The following PRSS12 variants were observed in gnomAD, a reference collection of about 807,000 sequenced individuals.
PRSS12 encodes the protein neurotrypsin.
PRSS12 carries 85 observed loss-of-function variants against 104.4 expected under a neutral mutation model. The ratio of observed to expected loss-of-function variants is 0.81; its 90% CI spans 0.68 to 0.98. PRSS12 has a LOEUF of 0.98. Among genes scored for constraint, PRSS12 ranks in the 50% least tolerant of loss-of-function variants. The pLI, the probability that PRSS12 is intolerant of heterozygous loss-of-function variation, is 0.00. For missense variants in PRSS12, 1,141 were observed against 1,139.2 expected, an observed-to-expected ratio of 1.00 and a Z score of -0.02; for synonymous variants, 454 against 425.2, an observed-to-expected ratio of 1.07 and a Z score of -0.83.
At chr4:118,305,077 A>G (rs1743508947) in intron 8 of PRSS12, among the ~76,000 whole-genome samples, 1 of 150,652 alleles carries the variant, frequency 6.6e-6, no homozygotes, top group African/African-American at 2.4e-5. Context: ...GATCCTCGGC[A>G]CTAGTCACAT....
At chr4:118,312,608 TA>T (rs373602396) in intron 7 of PRSS12, among the ~76,000 whole-genome samples, 3 of 152,058 alleles carry the variant, frequency 2.0e-5, no homozygotes, top group African/African-American at 7.2e-5. Flanking sequence ...CCAAAAAGTC[TA>T]AAAAAATGTA....
chr4:118,326,389 C>T (rs561312580), intron 4 of PRSS12, among the ~76,000 whole-genome samples: 7 of 152,276 alleles, frequency 4.6e-5, no homozygotes, highest in East Asian at 1.9e-4. Flanking sequence ...TCCCTGCAAC[C>T]GAATGATGCT....
At chr4:118,347,706 A>G (rs1724393049) in intron 1 of PRSS12, among the ~76,000 whole-genome samples, 1 of 152,122 alleles carries the variant, frequency 6.6e-6, no homozygotes, top group Non-Finnish European at 1.5e-5. Flanking sequence ...TGCTTGTTTT[A>G]GAGACAGGGT....
At chr4:118,341,471 T>A (rs1208729673) in intron 1 of PRSS12, among the ~76,000 whole-genome samples, 1 of 151,968 alleles carries the variant, frequency 6.6e-6, no homozygotes, top group Non-Finnish European at 1.5e-5. Context: ...TCACCTGAGA[T>A]TGAGAGTTCG....
At chr4:118,343,308 T>C (rs1305072077) in intron 1 of PRSS12, among the ~76,000 whole-genome samples, 1 of 151,970 alleles carries the variant, frequency 6.6e-6, no homozygotes, top group Non-Finnish European at 1.5e-5. Flanking sequence ...GGCGGAAGGA[T>C]TGCTTGTACC....
In PRSS12 at chr4:118,283,120, CAG is replaced by C. The variant is rs1560762077; in HGVS notation, c.2040-11_2040-10del. On this transcript the variant is annotated splice_polypyrimidine_tract_variant and intron_variant, in intron 11 of 12. Coordinates refer to ENST00000296498, the MANE Select transcript of PRSS12 (RefSeq NM_003619.4). ...TAGTGCTGTTGCCATACCTGAGAGG[CAG>C]AGAGTACTAATGAGAGACTTGCTTC... is the stretch of plus-strand genomic sequence containing the variant. 8 of 1,613,920 alleles carry C rather than the reference CAG, an allele frequency of 5.0e-6. No homozygotes were observed. The highest frequency in any genetic ancestry group is 3.3e-5 in the Admixed American group (2 of 60,026).
chr4:118,308,399 C>T, intron 8 of PRSS12, 37 bp downstream of exon 8: 2 of 1,613,090 alleles, frequency 1.2e-6, no homozygotes, highest in Non-Finnish European at 1.7e-6. Flanking sequence ...CAGATATGCT[C>T]ATCAGTAACC....
At chr4:118,332,639 A>G (rs1723957980) in intron 3 of PRSS12, among the ~76,000 whole-genome samples, 1 of 152,178 alleles carries the variant, frequency 6.6e-6, no homozygotes, top group African/African-American at 2.4e-5. Context: ...TTACATGTCA[A>G]TTGTCTCACT....
intron 1 of PRSS12, among the ~76,000 whole-genome samples, chr4:118,345,295 A>G (rs2126045423): frequency 6.6e-6 from 1 of 152,294 alleles, no homozygotes; most frequent in South Asian, 2.1e-4. Context: ...TTTGCATACA[A>G]TAATTTTTTT....
chr4:118,330,786 A>C (rs1448864748), intron 4 of PRSS12, among the ~76,000 whole-genome samples: 1 of 152,222 alleles, frequency 6.6e-6, no homozygotes, highest in African/African-American at 2.4e-5. Context: ...CAAAGTGTTA[A>C]AGTGTCTATA....
intron 1 of PRSS12, among the ~76,000 whole-genome samples, chr4:118,350,184 C>T (rs961292767): frequency 3.3e-5 from 5 of 152,166 alleles, no homozygotes; most frequent in African/African-American, 9.7e-5. Context: ...TCAAAACTTG[C>T]GTTTCTCCTG....
chr4:118,289,215 CAAAT>C (rs760848255), intron 11 of PRSS12, among the ~76,000 whole-genome samples: 3 of 152,130 alleles, frequency 2.0e-5, no homozygotes, highest in African/African-American at 4.8e-5. Flanking sequence ...TGAAGGCAAA[CAAAT>C]AAACATAAAA....
intron 7 of PRSS12, among the ~76,000 whole-genome samples, chr4:118,308,860 T>C (rs1458836673): frequency 6.6e-6 from 1 of 152,178 alleles, no homozygotes. Flanking sequence ...GTTGAATGAA[T>C]GAACAGCATT....
chr4:118,341,421 G>A (rs1375575471), intron 1 of PRSS12, among the ~76,000 whole-genome samples: 5 of 152,100 alleles, frequency 3.3e-5, no homozygotes, highest in Admixed American at 2.0e-4. Flanking sequence ...AGTGGCTCAC[G>A]CCTGTAATCC....
intron 10 of PRSS12, 21 bp downstream of exon 10, chr4:118,295,757 C>A (rs867261581): frequency 2.5e-6 from 4 of 1,592,402 alleles, no homozygotes; most frequent in Middle Eastern, 1.7e-4. Flanking sequence ...TATAAAAAAT[C>A]TCTTTTGGAG....
chr4:118,337,670 C>A lies in PRSS12; in HGVS notation c.641+506G>T, dbSNP rs993363709. On this transcript the variant is annotated intron_variant, in intron 2 of 12. Transcript: ENST00000296498. ...CACTTCCCCATCAAGGACAAGGGCA[C>A]AGGTAAACATTGCCCCTTTCACACA... Among the ~76,000 whole-genome samples the A allele has an allele frequency of 2.0e-5, 3 of 152,054 alleles. No individual in the cohort carries two copies. The East Asian group carries it at 5.8e-4, about 29-fold the overall frequency.
At chr4:118,319,620 GT>G (rs781028823) in intron 4 of PRSS12, among the ~76,000 whole-genome samples, 1 of 152,104 alleles carries the variant, frequency 6.6e-6, no homozygotes, top group African/African-American at 2.4e-5. Flanking sequence ...CTCTAAACTT[GT>G]TTAAACTGCT....
At chr4:118,295,705 T>C in intron 10 of PRSS12, 73 bp downstream of exon 10, 2 of 1,358,074 alleles carry the variant, frequency 1.5e-6, no homozygotes, top group East Asian at 2.3e-5. Context: ...TAACAGAACA[T>C]CCCCAGTTTG....
At chr4:118,336,172 G>A (rs928529008) in intron 2 of PRSS12, among the ~76,000 whole-genome samples, 15 of 152,048 alleles carry the variant, frequency 9.9e-5, no homozygotes, top group African/African-American at 3.4e-4. Flanking sequence ...ATCACGGGAG[G>A]CAATCCATTT....
Sources: allele counts gnomAD v4.1 joint callset (sites outside exome capture counted in the v4.1 genomes callset), GRCh38; gene constraint gnomAD v4.1.1; transcripts MANE v1.5; gene names NCBI Gene and HGNC (gene_info 2026-07-23, HGNC 2026-07-21).